EXD3: variants seen among roughly 807,000 people sequenced by gnomAD.
The protein encoded by EXD3 is exonuclease mut-7 homolog.
EXD3 carries 92 observed loss-of-function variants against 98.0 expected under a neutral mutation model. The observed-to-expected ratio is 0.94, with a 90% confidence interval of 0.79 to 1.12. The LOEUF (loss-of-function observed/expected upper bound fraction) is 1.12. Among genes scored for constraint, EXD3 ranks in the 50% most tolerant of loss-of-function variants. EXD3 has a pLI of 0.00. For synonymous variants in EXD3, 569 were observed against 526.0 expected (o/e 1.08, Z -1.12); for missense variants, 1,222 against 1,191.6 (o/e 1.03, Z -0.38).
At chr9:137,367,755 G>T (rs1246622263) in intron 6 of EXD3, 181 bp downstream of exon 6, 6 of 589,222 alleles carry the variant, frequency 1.0e-5, no homozygotes, top group African/African-American at 1.9e-5. Context: ...GTCTGATTTG[G>T]GGTCAGCCCA....
chr9:137,402,461 G>A (rs1157641066), intron 1 of EXD3, among the ~76,000 whole-genome samples: 1 of 152,188 alleles, frequency 6.6e-6, no homozygotes, highest in Non-Finnish European at 1.5e-5. Context: ...CAGTCTCTTT[G>A]CTAAAAGATA....
chr9:137,320,205 A>C (rs1831957025), intron 19 of EXD3, among the ~76,000 whole-genome samples: 1 of 152,140 alleles, frequency 6.6e-6, no homozygotes, highest in African/African-American at 2.4e-5. Context: ...GGGCCAAGGC[A>C]GCCCCCCCGC....
chr9:137,408,852 C>T (rs1837861602), intron 1 of EXD3, among the ~76,000 whole-genome samples: 1 of 152,248 alleles, frequency 6.6e-6, no homozygotes, highest in Admixed American at 6.5e-5. Flanking sequence ...CGCAGCTTGT[C>T]TCTCACCATC....
At chr9:137,418,101 C>T (rs968132334) in intron 1 of EXD3, among the ~76,000 whole-genome samples, 11 of 152,188 alleles carry the variant, frequency 7.2e-5, no homozygotes, top group South Asian at 6.2e-4. Flanking sequence ...AATCCCAGCA[C>T]TTTGGGAGGC....
chr9:137,418,735 G>A (rs1394890230), intron 1 of EXD3, among the ~76,000 whole-genome samples: 1 of 151,584 alleles, frequency 6.6e-6, no homozygotes, highest in Non-Finnish European at 1.5e-5. Flanking sequence ...AGTAATAAGA[G>A]ATTGTAAAAT....
intron 1 of EXD3, among the ~76,000 whole-genome samples, chr9:137,398,669 G>A (rs1286805972): frequency 4.8e-5 from 7 of 145,012 alleles, no homozygotes; most frequent in Non-Finnish European, 7.5e-5. Context: ...AGGCGACCGC[G>A]TCCCCAAGAC....
At chr9:137,332,404 A>T (rs1833118847) in intron 17 of EXD3, among the ~76,000 whole-genome samples, 2 of 151,668 alleles carry the variant, frequency 1.3e-5, no homozygotes, top group Non-Finnish European at 2.9e-5. Context: ...CCTGGCCGAC[A>T]TGGTGAAACC....
Position 137,371,784 on chromosome 9 carries a change from G to A in EXD3, c.462+1121C>T, listed in dbSNP as rs1002661090. On this transcript the variant is annotated intron_variant, in intron 5 of 21. Coordinates refer to ENST00000340951, the MANE Select transcript of EXD3 (RefSeq NM_017820.5). The surrounding 1 kb of genome is among the most constrained non-coding windows in gnomAD (Gnocchi z 8.0). ...GGACATCCCCTGGCAGGACACCCCC[G>A]GGCTTCTTTGCCGCACCTCGTGCTG... 2.6e-5 allele frequency among the ~76,000 whole-genome samples: 4 copies of A among 151,726 alleles called. No individual in the cohort carries two copies. Among genetic ancestry groups the A allele is most frequent in the Non-Finnish European group, 5.9e-5 (4 of 67,898 alleles).
At chr9:137,373,167 G>T in intron 4 of EXD3, 95 bp from the exon 5 acceptor site, 1 of 1,398,544 alleles carries the variant, frequency 7.2e-7, no homozygotes, top group Non-Finnish European at 9.6e-7. Flanking sequence ...AGCAGCGCCT[G>T]CCACTGTGGC....
At chr9:137,375,731 T>G (rs1234365689) in intron 3 of EXD3, among the ~76,000 whole-genome samples, 1 of 152,152 alleles carries the variant, frequency 6.6e-6, no homozygotes, top group Admixed American at 6.5e-5. Context: ...CCCTAGTGAG[T>G]TCTATCTGTA....
At chr9:137,419,610 A>G (rs1440279667) in intron 1 of EXD3, among the ~76,000 whole-genome samples, 1 of 152,028 alleles carries the variant, frequency 6.6e-6, no homozygotes, top group Non-Finnish European at 1.5e-5. Context: ...CGGAGGTTGC[A>G]GTGAGCCAAG....
rs1324470515 is a variant in EXD3 at position 137,367,977 on chromosome 9, C to T, written c.475G>A (p.Gly159Ser). Residue 159 changes from glycine to serine, a missense_variant, in exon 6 of 22, where the codon GGC (glycine) becomes AGC (serine). Coordinates refer to ENST00000340951, the MANE Select transcript of EXD3 (RefSeq NM_017820.5). Reference sequence around the variant, plus strand: ...TCCGACTGCAGCTTCAACGTCGCGCCCAGCGTGGCTGCCTGGCAAACACAA... The same window carrying T: ...TCCGACTGCAGCTTCAACGTCGCGCTCAGCGTGGCTGCCTGGCAAACACAA... ...EGRFREAATL[G>S]ATLKLQSELG... 3 of 1,610,144 alleles carry T rather than the reference C, an allele frequency of 1.9e-6. No homozygotes were observed. The highest frequency in any genetic ancestry group is 2.5e-6 in the Non-Finnish European group (3 of 1,179,634).
chr9:137,307,687 G>C (rs1831121109), intron 20 of EXD3, 41 bp from the exon 21 acceptor site: 2 of 1,603,828 alleles, frequency 1.2e-6, no homozygotes, highest in South Asian at 2.2e-5. Flanking sequence ...ACTGTCCTAG[G>C]GATGGGGCTT....
chr9:137,396,321 TCTC>T (rs1837215400), intron 1 of EXD3, among the ~76,000 whole-genome samples: 1 of 152,270 alleles, frequency 6.6e-6, no homozygotes, highest in Admixed American at 6.5e-5. Context: ...GGGTCACCCT[TCTC>T]CTTCAGTCTG....
chr9:137,387,981 G>T (rs541251040), intron 2 of EXD3, among the ~76,000 whole-genome samples: 18 of 152,246 alleles, frequency 1.2e-4, no homozygotes, highest in Non-Finnish European at 1.9e-4. Context: ...CCCTGGCCAG[G>T]AGGCTGGGCC....
At chr9:137,364,729 T>C (rs1835135785) in intron 7 of EXD3, among the ~76,000 whole-genome samples, 1 of 151,814 alleles carries the variant, frequency 6.6e-6, no homozygotes, top group South Asian at 2.1e-4. Context: ...ATGAGACCCC[T>C]GGTTCCCACC....
chr9:137,366,730 A>C, intron 6 of EXD3, 98 bp from the exon 7 acceptor site: 1 of 1,449,054 alleles, frequency 6.9e-7, no homozygotes, highest in Non-Finnish European at 9.2e-7. Flanking sequence ...GTCAGAACGA[A>C]AGGGGCCCAG....
At chr9:137,312,385 G>C (rs1441976053) in intron 19 of EXD3, among the ~76,000 whole-genome samples, 2 of 152,168 alleles carry the variant, frequency 1.3e-5, no homozygotes, top group South Asian at 4.1e-4. Flanking sequence ...TGGTTCCCAC[G>C]CTCCTCAGCC....
rs1186267636 is a variant in EXD3 at position 137,327,670 on chromosome 9, C to A, written c.1999-3527G>T. On this transcript the variant is annotated intron_variant, in intron 17 of 21. Transcript: ENST00000340951. ...ATGAGTAAAAACAACCAATATATAC[C>A]TATATGATGAGTAAAAAACTGATAT... 1.6e-5 allele frequency among the ~76,000 whole-genome samples: 2 copies of A among 128,618 alleles called. 1 individual carries two copies. 84.4% of individuals were successfully genotyped at this position (128,618 alleles called of 152,430 possible).
Sources: allele counts gnomAD v4.1 joint callset (sites outside exome capture counted in the v4.1 genomes callset), GRCh38; gene constraint gnomAD v4.1.1; non-coding constraint Gnocchi (gnomAD v3.1); transcripts MANE v1.5; gene names NCBI Gene and HGNC (gene_info 2026-07-23, HGNC 2026-07-21).